The following NCKAP1L variants were observed in gnomAD, a reference collection of about 807,000 sequenced individuals.
The protein encoded by NCKAP1L is NCK associated protein 1 like.
A neutral mutation model predicts 139.2 loss-of-function variants in NCKAP1L; 53 were observed. That is an observed-to-expected ratio of 0.38 (90% confidence interval 0.31 to 0.48). The LOEUF is 0.48. NCKAP1L is among the 20% of genes least tolerant of loss of function. The pLI is 0.98. For synonymous variants in NCKAP1L, 468 were observed against 499.7 expected, an observed-to-expected ratio of 0.94 and a Z score of 0.85; for missense variants, 1,151 against 1,381.9, an observed-to-expected ratio of 0.83 and a Z score of 2.65.
At chr12:54,532,031 A>C in intron 25 of NCKAP1L, 139 bp from the exon 26 acceptor site, 1 of 775,786 alleles carries the variant, frequency 1.3e-6, no homozygotes, top group Non-Finnish European at 2.0e-6. Context: ...TAGAGGCATA[A>C]GGAGAGGGAT....
chr12:54,516,645 C>T (rs1430817057), intron 10 of NCKAP1L, among the ~76,000 whole-genome samples: 1 of 152,098 alleles, frequency 6.6e-6, no homozygotes, highest in East Asian at 1.9e-4. Flanking sequence ...AGGGTTTTGC[C>T]ATGTTGGCCA....
At chr12:54,499,308 TGAG>T in intron 1 of NCKAP1L, 44 bp from the exon 2 acceptor site, 1 of 1,047,764 alleles carries the variant, frequency 9.5e-7, no homozygotes, top group Non-Finnish European at 1.5e-6. Flanking sequence ...GGTATGTTTC[TGAG>T]GAGGAGGAGA....
At chr12:54,519,875 ATTT>A (rs79806874) in intron 16 of NCKAP1L, among the ~76,000 whole-genome samples, 16 of 137,342 alleles carry the variant, frequency 1.2e-4, no homozygotes, top group Non-Finnish European at 1.4e-4. Flanking sequence ...ACGTCTTCAG[ATTT>A]TTTTTTTTTT....
chr12:54,512,166 T>C, intron 9 of NCKAP1L, 61 bp downstream of exon 9: 1 of 1,540,842 alleles, frequency 6.5e-7, no homozygotes, highest in Non-Finnish European at 8.9e-7. Context: ...TCCAATATCC[T>C]TTTTCAGTCT....
intron 5 of NCKAP1L, 77 bp from the exon 6 acceptor site, chr12:54,509,592 T>A (rs1428784704): frequency 9.9e-7 from 1 of 1,005,820 alleles, no homozygotes; most frequent in African/African-American, 1.6e-5. Flanking sequence ...GCACATATCT[T>A]TATCCTATAT....
chr12:54,514,647 G>T (rs1956916742), intron 9 of NCKAP1L, among the ~76,000 whole-genome samples: 1 of 152,092 alleles, frequency 6.6e-6, no homozygotes, highest in African/African-American at 2.4e-5. Flanking sequence ...ATTTCTATAG[G>T]CTAAATTCTT....
rs1957205993 is a variant in NCKAP1L, at chr12:54,547,490, T to TTGTGTGTGCG, written c.*4813_*4814insCGTGTGTGTG. 1 of 118,946 alleles carries TTGTGTGTGCG rather than the reference T, an allele frequency of 8.4e-6. No individual in the cohort carries two copies. The highest frequency in any genetic ancestry group is 1.8e-5 in the Non-Finnish European group (1 of 54,338). 7.4% of individuals were successfully genotyped at this position (118,946 alleles called of 1,614,324 possible). A position where few individuals can be genotyped will look rare whatever the true frequency, so the allele number is the denominator to read the frequency against. On this transcript the variant is annotated 3_prime_UTR_variant, in exon 31 of 31. Transcript: ENST00000293373. The stretch of plus-strand genomic sequence containing the variant: ...TCTAATGTCTCTTTCACGAATAACT[T>TTGTGTGTGCG]TGTGTGTGTGTGCGTGTGTGTGTGT...
At chr12:54,515,051 C>A (rs1033826182) in intron 9 of NCKAP1L, among the ~76,000 whole-genome samples, 2 of 152,064 alleles carry the variant, frequency 1.3e-5, no homozygotes, top group African/African-American at 2.4e-5. Context: ...GTATTAATAT[C>A]TTTTTTTATA....
Position 54,521,209 on chromosome 12 carries a change from T to C in NCKAP1L, c.1849T>C (p.Cys617Arg). ...GACCAGCAATTGCGTCCTGGAGATC[T>C]GTGCTGAGCAGCGAAACCTGAGCGA... ...KQTSNCVLEI[C>R]AEQRNLSEQL... The change falls in exon 18 of 31, where the codon TGT (cysteine) becomes CGT (arginine). Residue 617 changes from cysteine (C) to arginine (R), a missense_variant. Physicochemically the swap from Cys to Arg is radical, Grantham distance 180. Coordinates refer to ENST00000293373, the MANE Select transcript of NCKAP1L (RefSeq NM_005337.5). The C allele has an allele frequency of 1.2e-6, 2 of 1,614,128 alleles. No homozygotes were observed. The highest frequency in any genetic ancestry group is 1.7e-6 in the Non-Finnish European group (2 of 1,180,000).
chr12:54,514,511 CG>C (rs926931116), intron 9 of NCKAP1L, among the ~76,000 whole-genome samples: 17 of 151,832 alleles, frequency 1.1e-4, no homozygotes, highest in Admixed American at 1.3e-4. Flanking sequence ...TTAGTAGAGA[CG>C]GGGTTTTACC....
Position 54,519,178 on chromosome 12 carries a change from C to T in NCKAP1L, c.1480-9C>T, listed in dbSNP as rs1956959950. 2 of 1,555,016 alleles carry T rather than the reference C, an allele frequency of 1.3e-6. No individual in the cohort carries two copies. The highest frequency in any genetic ancestry group is 2.2e-5 in the East Asian group (1 of 44,558). On this transcript the variant is annotated splice_polypyrimidine_tract_variant and intron_variant, in intron 15 of 30. Transcript: ENST00000293373. ...ATTTTTCTCCACACTTTCCCAACTC[C>T]AACCGCAGGCATACACTAGCGTGGC...
chr12:54,522,486 T>C (rs1433729516), intron 18 of NCKAP1L, among the ~76,000 whole-genome samples: 1 of 152,246 alleles, frequency 6.6e-6, no homozygotes, highest in Non-Finnish European at 1.5e-5. Context: ...GAGTAAATAA[T>C]TACTGGCATT....
At chr12:54,526,840 C>A in intron 21 of NCKAP1L, 94 bp downstream of exon 21, 2 of 1,044,218 alleles carry the variant, frequency 1.9e-6, no homozygotes, top group Non-Finnish European at 2.9e-6. Context: ...TTTTAGCTCC[C>A]AGGGTCATAG....
At chr12:54,508,153 AC>A (rs1294029872) in intron 4 of NCKAP1L, among the ~76,000 whole-genome samples, 2 of 152,172 alleles carry the variant, frequency 1.3e-5, no homozygotes, top group African/African-American at 4.8e-5. Flanking sequence ...AATCTTCTTC[AC>A]CTTTTCCATC....
chr12:54,536,055 G>A (rs1320709835), intron 27 of NCKAP1L, 74 bp from the exon 28 acceptor site: 6 of 902,164 alleles, frequency 6.7e-6, no homozygotes, highest in African/African-American at 5.9e-5. Flanking sequence ...CTGTGAAGTA[G>A]GACCCCTGTA....
chr12:54,511,545 T>C (rs981669451), intron 7 of NCKAP1L, among the ~76,000 whole-genome samples: 1 of 152,238 alleles, frequency 6.6e-6, no homozygotes, highest in African/African-American at 2.4e-5. Flanking sequence ...TACCTAGGAC[T>C]ACAGGTGCAC....
intron 18 of NCKAP1L, among the ~76,000 whole-genome samples, chr12:54,521,916 A>G (rs112070601): frequency 3.5e-4 from 49 of 138,940 alleles, no homozygotes; most frequent in African/African-American, 1.2e-3. Flanking sequence ...GTGTGTGTGT[A>G]TACAGATGCA....
intron 16 of NCKAP1L, among the ~76,000 whole-genome samples, chr12:54,520,255 G>C (rs773602223): frequency 6.6e-6 from 1 of 152,184 alleles, no homozygotes; most frequent in Non-Finnish European, 1.5e-5. Flanking sequence ...AGAGGACATG[G>C]GTTGAGGAAA....
At position 54,544,348 on chromosome 12, in the gene NCKAP1L, A is replaced by G. The variant is rs1438201761; in HGVS notation, c.*1663A>G. 1 of 152,222 alleles carries G rather than the reference A, an allele frequency of 6.6e-6. No homozygotes were observed. Among genetic ancestry groups the G allele is most frequent in the Non-Finnish European group, 1.5e-5 (1 of 68,036 alleles). 9.4% of individuals were successfully genotyped at this position (152,222 alleles called of 1,614,324 possible). A position where few individuals can be genotyped will look rare whatever the true frequency, so the allele number is the denominator to read the frequency against. ...CCCTCCTCCATCTGCATCTGCATAT[A>G]GAACTGCTTAAGAGGACAGCAAGAC... is the stretch of plus-strand genomic sequence containing the variant. On this transcript the variant is annotated 3_prime_UTR_variant, in exon 31 of 31. Transcript: ENST00000293373.
Sources: allele counts gnomAD v4.1 joint callset (sites outside exome capture counted in the v4.1 genomes callset), GRCh38; gene constraint gnomAD v4.1.1; transcripts MANE v1.5; gene names NCBI Gene and HGNC (gene_info 2026-07-23, HGNC 2026-07-21).